The following TIPRL variants were observed in gnomAD, a reference collection of about 807,000 sequenced individuals.
TIPRL encodes TIP41-like protein.
A neutral mutation model predicts 32.3 loss-of-function variants in TIPRL; 10 were observed. The observed-to-expected ratio is 0.31, with a 90% CI of 0.19 to 0.52. The LOEUF (loss-of-function observed/expected upper bound fraction) is 0.52, where lower values mean the gene tolerates loss of function less well. TIPRL is among the 20% of genes least tolerant of loss of function. The pLI, the probability that TIPRL is intolerant of heterozygous loss-of-function variation, is 0.96. For synonymous variants in TIPRL, 100 were observed against 114.0 expected, an observed-to-expected ratio of 0.88 and a Z score of 0.78; for missense variants, 250 against 328.1, an observed-to-expected ratio of 0.76 and a Z score of 1.84.
At chr1:168,187,834 T>TG (rs564958158) in intron 3 of TIPRL, among the ~76,000 whole-genome samples, 4 of 152,096 alleles carry the variant, frequency 2.6e-5, no homozygotes, top group Non-Finnish European at 5.9e-5. Context: ...TTGGCGGGTC[T>TG]GGTGGCACGT....
rs1700094099 is a variant in TIPRL at position 168,191,355 on chromosome 1, A to T, written c.385-14A>T. On this transcript the variant is annotated splice_polypyrimidine_tract_variant and intron_variant, in intron 3 of 6. Transcript: ENST00000367833. ...TTTTTTTAATGTGCTCCTCTTTAAA[A>T]TTTTTTCTTTCAGGTTGTACCTACA... 1 of 1,515,826 alleles carries T rather than the reference A, an allele frequency of 6.6e-7. No homozygotes were observed. Among genetic ancestry groups the T allele is most frequent in the African/African-American group, 1.5e-5 (1 of 68,166 alleles). 93.9% of individuals were successfully genotyped at this position (1,515,826 alleles called of 1,614,324 possible).
chr1:168,184,186 T>G (rs1700001288), intron 2 of TIPRL, 105 bp downstream of exon 2: 1 of 1,034,794 alleles, frequency 9.7e-7, no homozygotes, highest in African/African-American at 1.6e-5. Flanking sequence ...GTTGTTAGAA[T>G]GAAGGGCTGG....
chr1:168,196,425 CTG>C, intron 4 of TIPRL, 120 bp from the exon 5 acceptor site: 2 of 567,220 alleles, frequency 3.5e-6, no homozygotes, highest in Non-Finnish European at 5.6e-6. Context: ...TTTTTATAAA[CTG>C]TGAATTCAGC....
intron 1 of TIPRL, among the ~76,000 whole-genome samples, chr1:168,183,484 G>T (rs1699992565): frequency 6.6e-6 from 1 of 150,824 alleles, no homozygotes; most frequent in Non-Finnish European, 1.5e-5. Context: ...TCAGTGTCAG[G>T]TGCTTTTGCT....
At chr1:168,191,534 T>C (rs1483146105) in intron 4 of TIPRL, 34 bp downstream of exon 4, 1 of 1,405,476 alleles carries the variant, frequency 7.1e-7, no homozygotes, top group Non-Finnish European at 9.3e-7. Flanking sequence ...TTAATATTTT[T>C]CTTGCATTCT....
intron 6 of TIPRL, among the ~76,000 whole-genome samples, chr1:168,199,278 A>C (rs1410406390): frequency 1.3e-5 from 2 of 152,128 alleles, no homozygotes; most frequent in African/African-American, 2.4e-5. Flanking sequence ...CTGGCTGGTG[A>C]TGGATGTTCT....
At chr1:168,192,609 C>G (rs772885574) in intron 4 of TIPRL, among the ~76,000 whole-genome samples, 1 of 152,318 alleles carries the variant, frequency 6.6e-6, no homozygotes, top group African/African-American at 2.4e-5. Flanking sequence ...TTAAAAACCT[C>G]TCAATTAGGC....
chr1:168,196,419 T>TA, intron 4 of TIPRL, 128 bp from the exon 5 acceptor site: 1 of 553,548 alleles, frequency 1.8e-6, no homozygotes, highest in South Asian at 4.2e-5. Context: ...GAGAGATTTT[T>TA]ATAAACTGTG....
chr1:168,194,223 C>CA (rs1700128115), intron 4 of TIPRL, among the ~76,000 whole-genome samples: 1 of 152,110 alleles, frequency 6.6e-6, no homozygotes, highest in South Asian at 2.1e-4. Context: ...TAAGATACTG[C>CA]AAGTTTTGTG....
intron 1 of TIPRL, among the ~76,000 whole-genome samples, chr1:168,180,400 G>C (rs942674652): frequency 6.6e-6 from 1 of 152,124 alleles, no homozygotes; most frequent in Non-Finnish European, 1.5e-5. Context: ...GGTGGGTATA[G>C]GTCATAAAGT....
intron 3 of TIPRL, 147 bp downstream of exon 3, chr1:168,185,025 G>T (rs1022733196): frequency 1.9e-6 from 1 of 535,466 alleles, no homozygotes; most frequent in Non-Finnish European, 3.2e-6. Flanking sequence ...ATGTGAGGGG[G>T]TTTTGCTTGT....
chr1:168,194,091 T>A (rs1700126940), intron 4 of TIPRL, among the ~76,000 whole-genome samples: 1 of 152,196 alleles, frequency 6.6e-6, no homozygotes, highest in South Asian at 2.1e-4. Flanking sequence ...TTTCCTTGAT[T>A]TGGAAAATAG....
intron 4 of TIPRL, chr1:168,192,159 C>T: frequency 7.0e-7 from 1 of 1,432,398 alleles, no homozygotes. Context: ...TAAAATGATC[C>T]ATGTGTTATG....
intron 5 of TIPRL, among the ~76,000 whole-genome samples, chr1:168,197,243 GT>G (rs1348765903): frequency 6.6e-6 from 1 of 151,776 alleles, no homozygotes; most frequent in Admixed American, 6.6e-5. Context: ...GCTTGAGCTG[GT>G]GAAGGTTGAG....
intron 3 of TIPRL, 87 bp downstream of exon 3, chr1:168,184,965 C>T: frequency 1.2e-6 from 1 of 803,188 alleles, no homozygotes; most frequent in Non-Finnish European, 2.0e-6. Context: ...TTATTTTTTG[C>T]AACTATTTTT....
rs1700198098 is a variant in TIPRL at position 168,200,473 on chromosome 1, G to C, written c.*427G>C. 1 of 153,850 alleles carries C rather than the reference G, an allele frequency of 6.5e-6. No individual in the cohort carries two copies. The highest frequency in any genetic ancestry group is 1.4e-5 in the Non-Finnish European group (1 of 69,280). The allele number at this position is 153,850 out of a possible 1,614,324, so 9.5% of individuals were successfully genotyped here. The stretch of plus-strand genomic sequence containing the variant: ...GTTGATGTACTGGCTCTTCACTTTG[G>C]GCTTTCTGATGTTTATTCACACCTT... On this transcript the variant is annotated 3_prime_UTR_variant, in exon 7 of 7. Coordinates refer to ENST00000367833, the MANE Select transcript of TIPRL (RefSeq NM_152902.5).
chr1:168,192,883 TCAAAA>T (rs1700116202), intron 4 of TIPRL, among the ~76,000 whole-genome samples: 1 of 129,538 alleles, frequency 7.7e-6, no homozygotes, highest in Non-Finnish European at 1.6e-5. Context: ...AGACTCCGTC[TCAAAA>T]CAAACAAACA....
At chr1:168,180,723 A>G (rs1699949647) in intron 1 of TIPRL, among the ~76,000 whole-genome samples, 1 of 152,158 alleles carries the variant, frequency 6.6e-6, no homozygotes, top group Non-Finnish European at 1.5e-5. Context: ...GAAAATACAG[A>G]AAAGAAAGGA....
rs1467689219 is a variant in TIPRL, at chr1:168,201,145, C to G, written c.*1099C>G. ...CCCCTTAGTCATTTTATATTCTTGT[C>G]TGCCTTTCTAGAAAAATGGTTGTCA... On this transcript the variant is annotated 3_prime_UTR_variant, in exon 7 of 7. Transcript: ENST00000367833. 6.6e-6 allele frequency: 1 copy of G among 152,086 alleles called. No homozygotes were observed. Among genetic ancestry groups the G allele is most frequent in the Non-Finnish European group, 1.5e-5 (1 of 67,982 alleles). The allele number at this position is 152,086 out of a possible 1,614,324, so 9.4% of individuals were successfully genotyped here. A position where few individuals can be genotyped will look rare whatever the true frequency, so the allele number is the denominator to read the frequency against.
Sources: gnomAD v4.1 joint callset for allele counts (sites outside exome capture counted in the v4.1 genomes callset) on GRCh38, gnomAD v4.1.1 for gene constraint, MANE v1.5 for transcripts, NCBI Gene and HGNC (gene_info 2026-07-23, HGNC 2026-07-21) for gene names.